Variants in DPP3 observed in about 807,000 individuals in gnomAD.
DPP3 encodes dipeptidyl peptidase 3.
Under a neutral mutation model 89.8 loss-of-function variants are expected in DPP3, and 64 were observed. The ratio of observed to expected loss-of-function variants is 0.71; its 90% CI spans 0.58 to 0.88. DPP3 has a LOEUF of 0.88. Among genes scored for constraint, DPP3 ranks in the 40% least tolerant of loss-of-function variants. DPP3 has a pLI of 0.00. For missense variants in DPP3, 835 were observed against 972.5 expected (o/e 0.86, Z 1.88); for synonymous variants, 377 against 404.3 (o/e 0.93, Z 0.81).
intron 3 of DPP3, among the ~76,000 whole-genome samples, chr11:66,485,784 CA>C (rs1320391280): frequency 1.3e-5 from 2 of 152,112 alleles, no homozygotes; most frequent in African/African-American, 4.8e-5. Context: ...CTTGCTCTGT[CA>C]CCCAAGCTGA....
rs1855376151 is a variant in DPP3, at chr11:66,491,270, G to T, written c.685G>T (p.Glu229Ter). 2 of 1,613,708 alleles carry T rather than the reference G, an allele frequency of 1.2e-6. No homozygotes were observed. Among genetic ancestry groups the T allele is most frequent in the Non-Finnish European group, 1.7e-6 (2 of 1,179,982 alleles). The part of the protein sequence containing the change: ...VLGSEPSLDS[E>*]VTSKLKSYEF... ...TTCCCCAGAGCCTTCCCTGGACTCT[G>T]AGGTGACTTCCAAGCTGAAGAGCTA... Residue 229 changes from glutamate (E) to a stop codon, truncating the protein, a stop_gained, in exon 7 of 18, where the codon GAG (glutamate) becomes TAG (stop). Coordinates refer to ENST00000531863, the MANE Select transcript of DPP3 (RefSeq NM_130443.4). LOFTEE classifies it high-confidence loss of function.
At chr11:66,493,706 T>G (rs1422168278) in intron 12 of DPP3, 73 bp downstream of exon 12, 10 of 1,469,624 alleles carry the variant, frequency 6.8e-6, no homozygotes, top group Non-Finnish European at 9.2e-6. Context: ...TACCCAGCGG[T>G]GAAGCTGCTC....
chr11:66,487,127 T>G lies in DPP3; in HGVS notation c.499-141T>G, dbSNP rs1000775561. ...TGAGCATGTTTGTTTGTTTTATAAC[T>G]TTTTCCCCTGGAGGTAGATGGAGGG... On this transcript the variant is annotated intron_variant, in intron 4 of 17. Coordinates refer to ENST00000531863, the MANE Select transcript of DPP3 (RefSeq NM_130443.4). 5.7e-5 allele frequency: 44 copies of G among 774,422 alleles called. No individual in the cohort carries two copies. The African/African-American group carries it at 7.2e-4, about 13-fold the overall frequency. 48.0% of individuals were successfully genotyped at this position (774,422 alleles called of 1,614,324 possible). A position where few individuals can be genotyped will look rare whatever the true frequency, so the allele number is the denominator to read the frequency against.
intron 6 of DPP3, among the ~76,000 whole-genome samples, chr11:66,490,145 TAAAAAAAAAAAAAAAAAAA>T (rs201526861): frequency 2.1e-5 from 2 of 94,826 alleles, no homozygotes; most frequent in South Asian, 9.0e-4. Context: ...AGATCCTATC[TAAAAAAAAAAAAAAAAAAA>T]AAAAAAAAAG....
chr11:66,509,606 C>A lies in DPP3; in HGVS notation c.*355C>A. The A allele has an allele frequency of 1.6e-6, 1 of 627,322 alleles. No individual in the cohort carries two copies. The highest frequency in any genetic ancestry group is 2.9e-6 in the Non-Finnish European group (1 of 344,446). 38.9% of individuals were successfully genotyped at this position (627,322 alleles called of 1,614,324 possible). ...AAACGTTCTCACCAAATCCAATGCT[C>A]CTCACATATTAATTTTATAACCAGA... On this transcript the variant is annotated 3_prime_UTR_variant, in exon 18 of 18. Transcript: ENST00000531863.
At chr11:66,496,970 C>T (rs1377274365) in intron 15 of DPP3, among the ~76,000 whole-genome samples, 1 of 152,126 alleles carries the variant, frequency 6.6e-6, no homozygotes, top group Admixed American at 6.6e-5. Flanking sequence ...GAGGGGGTAG[C>T]TGCTGTCCTC....
rs201526861 is a variant in DPP3 at position 66,490,145 on chromosome 11, TAA to T, written c.668-1081_668-1080del. Among the ~76,000 whole-genome samples, 544 of 94,496 alleles carry T rather than the reference TAA, an allele frequency of 5.8e-3. 3 individuals are homozygous for T. The highest frequency in any genetic ancestry group is 0.017 in the African/African-American group (511 of 29,628). 62.0% of individuals were successfully genotyped at this position (94,496 alleles called of 152,430 possible). ...CTGGGCAACCTTACAAGATCCTATC[TAA>T]AAAAAAAAAAAAAAAAAAAAAAAAA... On this transcript the variant is annotated intron_variant, in intron 6 of 17. Coordinates refer to ENST00000531863, the MANE Select transcript of DPP3 (RefSeq NM_130443.4).
chr11:66,505,936 GTTTTGTTTTTGT>G (rs375980035), intron 17 of DPP3, among the ~76,000 whole-genome samples: 1 of 151,846 alleles, frequency 6.6e-6, no homozygotes, highest in Non-Finnish European at 1.5e-5. Flanking sequence ...TTTTGGGTTG[GTTTTGTTTTTGT>G]TTTTGTTTTT....
Position 66,497,495 on chromosome 11 carries a change from G to T in DPP3, c.1878+18G>T, listed in dbSNP as rs771961581. 3 of 1,605,888 alleles carry T rather than the reference G, an allele frequency of 1.9e-6. No homozygotes were observed. Among genetic ancestry groups the T allele is most frequent in the South Asian group, 1.1e-5 (1 of 90,226 alleles). On this transcript the variant is annotated intron_variant, in intron 16 of 17. Transcript: ENST00000531863. ...GACTTCAGGTAAGCAAAGGCCTCTC[G>T]TCTGGATGGGTCCCCACCAACCTCT...
At chr11:66,490,241 T>C (rs963581592) in intron 6 of DPP3, among the ~76,000 whole-genome samples, 5 of 151,396 alleles carry the variant, frequency 3.3e-5, no homozygotes, top group Non-Finnish European at 7.4e-5. Context: ...CCTTGAAGTA[T>C]ATTTTATTGA....
At chr11:66,505,010 A>G (rs1855766749) in intron 17 of DPP3, among the ~76,000 whole-genome samples, 1 of 152,180 alleles carries the variant, frequency 6.6e-6, no homozygotes, top group Admixed American at 6.5e-5. Context: ...AGACAGTGAC[A>G]GAAGATTTGA....
At chr11:66,482,555 G>T in intron 2 of DPP3, 85 bp downstream of exon 2, 2 of 1,542,302 alleles carry the variant, frequency 1.3e-6, no homozygotes, top group South Asian at 1.2e-5. Context: ...TCTTTCAAGG[G>T]GTAGGTGGAG....
chr11:66,484,407 G>A (rs910503010), intron 2 of DPP3, among the ~76,000 whole-genome samples: 11 of 152,078 alleles, frequency 7.2e-5, no homozygotes, highest in African/African-American at 2.4e-4. Flanking sequence ...GGCTGGACTC[G>A]GACTCAGTGC....
chr11:66,481,593 C>G (rs1286750776), intron 1 of DPP3, among the ~76,000 whole-genome samples: 3 of 152,100 alleles, frequency 2.0e-5, no homozygotes, highest in Admixed American at 2.0e-4. Flanking sequence ...AGGCAAGGCT[C>G]TTAGCCTCTC....
chr11:66,486,556 T>TGATC lies in DPP3; in HGVS notation c.378_381dup (p.Leu128AspfsTer5). 1 of 1,521,688 alleles carries TGATC rather than the reference T, an allele frequency of 6.6e-7. No homozygotes were observed. Among genetic ancestry groups the TGATC allele is most frequent in the African/African-American group, 1.4e-5 (1 of 70,564 alleles). The allele number at this position is 1,521,688 out of a possible 1,614,324, so 94.3% of individuals were successfully genotyped here. ...TCCTTGCAGGAAAAGCTGGAACGGG[T>TGATC]GATCCTAGGGAGTGAGGCTGCTCAG... On this transcript the variant is annotated frameshift_variant, in exon 4 of 18. Transcript: ENST00000531863. LOFTEE classifies it high-confidence loss of function.
intron 16 of DPP3, among the ~76,000 whole-genome samples, chr11:66,502,149 G>A (rs1483942328): frequency 1.3e-5 from 2 of 152,018 alleles, no homozygotes; most frequent in East Asian, 1.9e-4. Flanking sequence ...CCAAGATCAC[G>A]CCACTGCGCT....
chr11:66,493,214 C>G, intron 11 of DPP3, 35 bp downstream of exon 11: 1 of 1,566,824 alleles, frequency 6.4e-7, no homozygotes, highest in South Asian at 1.1e-5. Context: ...GGGGCTGGGC[C>G]TCACCTTCCT....
chr11:66,480,655 C>T, intron 1 of DPP3, 190 bp downstream of exon 1: 1 of 581,316 alleles, frequency 1.7e-6, no homozygotes, highest in Non-Finnish European at 2.7e-6. Context: ...AACCTCGAGG[C>T]TGTGCTATTG....
In DPP3 at chr11:66,491,360, G is replaced by A; in HGVS notation, c.775G>A (p.Val259Met). 1.9e-6 allele frequency: 3 copies of A among 1,613,908 alleles called. No homozygotes were observed. Among genetic ancestry groups the A allele is most frequent in the Non-Finnish European group, 2.5e-6 (3 of 1,179,916 alleles). The change falls in exon 7 of 18, where the codon GTG becomes ATG. Residue 259 changes from valine (V) to methionine (M), a missense_variant. Val to Met is a conservative substitution (Grantham distance 21). Coordinates refer to ENST00000531863, the MANE Select transcript of DPP3 (RefSeq NM_130443.4). ...GDYAPILQKV[V>M]EQLEKAKAYA... ...CTACGCGCCCATCCTCCAGAAGGTG[G>A]TGGAGCAGCTGGAGAAAGCCAAGGT...
Sources: gnomAD v4.1 joint callset for allele counts (sites outside exome capture counted in the v4.1 genomes callset) on GRCh38, gnomAD v4.1.1 for gene constraint, MANE v1.5 for transcripts, NCBI Gene and HGNC (gene_info 2026-07-23, HGNC 2026-07-21) for gene names.